CHST8: variants seen among roughly 807,000 people sequenced by gnomAD.
The protein encoded by CHST8 is carbohydrate sulfotransferase 8.
In CHST8, 10 loss-of-function variants were observed where a neutral mutation model predicts 15.0. The observed-to-expected ratio is 0.67, with a 90% confidence interval of 0.41 to 1.13. CHST8 has a LOEUF of 1.13. CHST8 is among the 50% of genes most tolerant of loss of function. The probability of loss-of-function intolerance (pLI) is 0.00; values close to 1 mark genes in which losing one functional copy is unlikely to be tolerated. For synonymous variants in CHST8, 259 were observed against 256.6 expected (o/e 1.01, Z -0.09); for missense variants, 634 against 608.2 (o/e 1.04, Z -0.45).
chr19:33,771,040 G>A (rs1381193670), intron 3 of CHST8, among the ~76,000 whole-genome samples: 1 of 152,172 alleles, frequency 6.6e-6, no homozygotes, highest in Non-Finnish European at 1.5e-5. Context: ...CTTTCCCTGT[G>A]ACTTAATGAC....
chr19:33,675,954 C>T (rs2145238045), intron 2 of CHST8, among the ~76,000 whole-genome samples: 1 of 152,328 alleles, frequency 6.6e-6, no homozygotes, highest in East Asian at 1.9e-4. Context: ...CCCAGCAGGA[C>T]CATCTGCCTT....
intron 3 of CHST8, among the ~76,000 whole-genome samples, chr19:33,747,648 A>G (rs1974339706): frequency 6.6e-6 from 1 of 152,196 alleles, no homozygotes. Flanking sequence ...CAGGAGCAGG[A>G]GAGGGCTGTC....
intron 4 of CHST8, among the ~76,000 whole-genome samples, 177 bp downstream of exon 4, chr19:33,771,627 C>G (rs1423828999): frequency 1.3e-5 from 2 of 152,168 alleles, no homozygotes; most frequent in Admixed American, 1.3e-4. Flanking sequence ...ATTTTCCCTT[C>G]CTTGTTAGAA....
At chr19:33,760,775 A>G (rs142984636) in intron 3 of CHST8, among the ~76,000 whole-genome samples, 1 of 152,056 alleles carries the variant, frequency 6.6e-6, no homozygotes, top group Non-Finnish European at 1.5e-5. Context: ...CACCTGCAAC[A>G]CTGAGCTAGC....
chr19:33,634,328 A>AT (rs35245231), intron 1 of CHST8, among the ~76,000 whole-genome samples: 2 of 152,142 alleles, frequency 1.3e-5, no homozygotes, highest in Admixed American at 6.5e-5. Context: ...AATGCAGTTC[A>AT]TTTTTTTACC....
intron 1 of CHST8, among the ~76,000 whole-genome samples, chr19:33,634,035 G>T (rs1972159540): frequency 6.6e-6 from 1 of 151,850 alleles, no homozygotes; most frequent in African/African-American, 2.4e-5. Context: ...GTCCAGGCTG[G>T]TCTCGAACTC....
At position 33,689,365 on chromosome 19, in the gene CHST8, C is replaced by T. The variant is rs538795960; in HGVS notation, c.104C>T (p.Thr35Met). 149 of 1,603,650 alleles carry T rather than the reference C, an allele frequency of 9.3e-5. No homozygotes were observed. The highest frequency in any genetic ancestry group is 1.1e-4 in the East Asian group (5 of 44,252). ...CTCTTCATCAGCCTGCAGGACCCTA[C>T]GGAGCTCGCCCCCCAGCAGGTGCCA... ...LLLFISLQDP[T>M]ELAPQQVPGI... is the part of the protein sequence containing the mutation. Residue 35 changes from threonine to methionine, a missense_variant, in exon 3 of 5, where the codon ACG becomes ATG. Physicochemically the swap from Thr to Met is moderately conservative, Grantham distance 81. Transcript: ENST00000650847.
At chr19:33,735,013 G>A (rs976886980) in intron 3 of CHST8, among the ~76,000 whole-genome samples, 1 of 152,240 alleles carries the variant, frequency 6.6e-6, no homozygotes, top group African/African-American at 2.4e-5. Flanking sequence ...AGATAGGGAA[G>A]TCCCAGCCCA....
In CHST8 at chr19:33,757,523, A is replaced by AAAGAAAGG. The variant is rs1568358769; in HGVS notation, c.131-13890_131-13889insAAGAAAGG. Among the ~76,000 whole-genome samples the AAAGAAAGG allele has an allele frequency of 1.5e-4, 2 of 13,374 alleles. 1 individual carries two copies. Among genetic ancestry groups the AAAGAAAGG allele is most frequent in the African/African-American group, 7.5e-4 (2 of 2,654 alleles). The allele number at this position is 13,374 out of a possible 152,430, so 8.8% of individuals were successfully genotyped here. ...GAAAGAAAGAAAGAAAGAAAGAAAG[A>AAAGAAAGG]GAAAGAAAGAAAGAAAGAAAGAAAG... On this transcript the variant is annotated intron_variant, in intron 3 of 4. Coordinates refer to ENST00000650847, the MANE Select transcript of CHST8 (RefSeq NM_001127895.2).
intron 2 of CHST8, among the ~76,000 whole-genome samples, chr19:33,686,644 CCT>C (rs1972985155): frequency 6.6e-6 from 1 of 152,194 alleles, no homozygotes; most frequent in Non-Finnish European, 1.5e-5. Flanking sequence ...TGTTCTCCTT[CCT>C]CTCTCCCTCC....
intron 3 of CHST8, among the ~76,000 whole-genome samples, chr19:33,768,056 TCCAGGGTCCTGA>T (rs1974887174): frequency 6.6e-6 from 1 of 152,150 alleles, no homozygotes; most frequent in Admixed American, 6.6e-5. Flanking sequence ...GATGGAGCTG[TCCAGGGTCCTGA>T]CGTGCAGCCC....
intron 3 of CHST8, among the ~76,000 whole-genome samples, chr19:33,717,707 A>G (rs1289420406): frequency 1.3e-5 from 2 of 152,162 alleles, no homozygotes; most frequent in Non-Finnish European, 2.9e-5. Context: ...TAATGAGCAT[A>G]CAGCGAGGTC....
intron 3 of CHST8, among the ~76,000 whole-genome samples, chr19:33,765,798 C>T (rs528427618): frequency 8.0e-4 from 122 of 152,092 alleles, no homozygotes; most frequent in African/African-American, 2.8e-3. Flanking sequence ...TGTGGTCTCG[C>T]GATCCACCTG....
chr19:33,633,303 T>A (rs1972147358), intron 1 of CHST8, among the ~76,000 whole-genome samples: 2 of 152,248 alleles, frequency 1.3e-5, no homozygotes, highest in Admixed American at 1.3e-4. Context: ...TTCCAGTTTC[T>A]TGTTGATTGG....
chr19:33,657,050 G>A (rs956622832), intron 1 of CHST8, among the ~76,000 whole-genome samples: 1 of 151,450 alleles, frequency 6.6e-6, no homozygotes, highest in African/African-American at 2.4e-5. Flanking sequence ...CCATTACTGC[G>A]CTGAGACCTG....
At chr19:33,707,809 G>A (rs534978463) in intron 3 of CHST8, among the ~76,000 whole-genome samples, 13 of 152,100 alleles carry the variant, frequency 8.5e-5, no homozygotes, top group Non-Finnish European at 1.9e-4. Flanking sequence ...GTAAATTTAC[G>A]TTAAATTTAA....
chr19:33,637,477 A>G (rs1972220565), intron 1 of CHST8, among the ~76,000 whole-genome samples: 1 of 147,780 alleles, frequency 6.8e-6, no homozygotes, highest in African/African-American at 2.5e-5. Context: ...ATCTCAGCTC[A>G]CTGCAAGCCC....
chr19:33,695,821 C>CTTTCTTTCTTTCTTTTT (rs57718433), intron 3 of CHST8, among the ~76,000 whole-genome samples: 127 of 76,226 alleles, frequency 1.7e-3, no homozygotes, highest in East Asian at 3.2e-3. Context: ...TTCTTTCTTT[C>CTTTCTTTCTTTCTTTTT]TTTTTTTTTT....
Position 33,765,052 on chromosome 19 carries a change from T to C in CHST8, c.131-6361T>C, listed in dbSNP as rs1392209815. On this transcript the variant is annotated intron_variant, in intron 3 of 4. Coordinates refer to ENST00000650847, the MANE Select transcript of CHST8 (RefSeq NM_001127895.2). The stretch of plus-strand genomic sequence containing the variant: ...CTTTTTATGGCTAAGTACTATTCCA[T>C]CATATATATATATATATATATCAGA... Among the ~76,000 whole-genome samples the C allele has an allele frequency of 3.5e-5, 3 of 86,948 alleles. 1 individual carries two copies. The highest frequency in any genetic ancestry group is 1.3e-4 in the African/African-American group (2 of 15,540). 57.0% of individuals were successfully genotyped at this position (86,948 alleles called of 152,430 possible).
Sources: allele counts gnomAD v4.1 joint callset (sites outside exome capture counted in the v4.1 genomes callset), GRCh38; gene constraint gnomAD v4.1.1; transcripts MANE v1.5; gene names NCBI Gene and HGNC (gene_info 2026-07-23, HGNC 2026-07-21).